The following NME7 variants were observed in gnomAD, a reference collection of about 807,000 sequenced individuals.
NME7 encodes nucleoside diphosphate kinase 7.
Under a neutral mutation model 49.1 loss-of-function variants are expected in NME7, and 41 were observed. The observed-to-expected ratio is 0.83, with a 90% CI of 0.65 to 1.08. NME7 has a LOEUF of 1.08. Among genes scored for constraint, NME7 ranks in the 50% least tolerant of loss-of-function variants. The pLI is 0.00. For synonymous variants in NME7, 139 were observed against 150.6 expected (o/e 0.92, Z 0.56); for missense variants, 423 against 463.4 (o/e 0.91, Z 0.80).
At chr1:169,173,921 G>A (rs911271483) in intron 10 of NME7, among the ~76,000 whole-genome samples, 3 of 152,216 alleles carry the variant, frequency 2.0e-5, no homozygotes, top group African/African-American at 7.2e-5. Flanking sequence ...TAAATAACAG[G>A]TTATGCTGAG....
intron 3 of NME7, among the ~76,000 whole-genome samples, chr1:169,312,266 C>T (rs1469075885): frequency 6.6e-6 from 1 of 152,178 alleles, no homozygotes; most frequent in East Asian, 1.9e-4. Flanking sequence ...TCTTCAAATA[C>T]CACCACACAT....
rs148475671 is a variant in NME7 at position 169,182,384 on chromosome 1, T to C, written c.991-12830A>G. 3.0e-3 allele frequency among the ~76,000 whole-genome samples: 462 copies of C among 152,194 alleles called. 1 individual carries two copies. Among genetic ancestry groups the C allele is most frequent in the Non-Finnish European group, 4.8e-3 (325 of 67,988 alleles). ...TGTCTTCCTCCCAAAACTCCCCCTC[T>C]TCCTAAATTCCCTCTCGTCATAAAT... On this transcript the variant is annotated intron_variant, in intron 10 of 11. Transcript: ENST00000367811.
chr1:169,312,543 G>T (rs958086441), intron 3 of NME7, among the ~76,000 whole-genome samples: 2 of 152,190 alleles, frequency 1.3e-5, no homozygotes, highest in African/African-American at 4.8e-5. Flanking sequence ...AAACTTCTTA[G>T]CAATACACGG....
intron 1 of NME7, among the ~76,000 whole-genome samples, chr1:169,364,066 G>T (rs1191981670): frequency 1.3e-5 from 2 of 152,120 alleles, no homozygotes; most frequent in African/African-American, 2.4e-5. Flanking sequence ...TGAGAAGCAG[G>T]GACTCAATTG....
intron 6 of NME7, among the ~76,000 whole-genome samples, chr1:169,295,249 C>T (rs12745978): frequency 0.24 from 37,245 of 152,064 alleles, 5,532 homozygotes; most frequent in Non-Finnish European, 0.34. Flanking sequence ...TGGACTGAGA[C>T]AGTAGCTAAC....
At chr1:169,155,917 C>T (rs1394926674) in intron 11 of NME7, among the ~76,000 whole-genome samples, 1 of 151,880 alleles carries the variant, frequency 6.6e-6, no homozygotes, top group Non-Finnish European at 1.5e-5. Flanking sequence ...TACTCTAAAC[C>T]AATAGCATCA....
intron 7 of NME7, among the ~76,000 whole-genome samples, chr1:169,245,830 A>T (rs3766082): frequency 0.048 from 7,251 of 152,306 alleles, 226 homozygotes; most frequent in East Asian, 0.12. Flanking sequence ...CACAAGTGTT[A>T]CTAAAGTCAA....
intron 11 of NME7, among the ~76,000 whole-genome samples, chr1:169,166,115 T>C (rs1028849716): frequency 1.3e-5 from 2 of 152,202 alleles, no homozygotes; most frequent in Non-Finnish European, 2.9e-5. Flanking sequence ...TTTTCCTTTT[T>C]TTCCCCTCAG....
chr1:169,305,577 G>A (rs12063495), intron 4 of NME7, among the ~76,000 whole-genome samples: 20 of 152,270 alleles, frequency 1.3e-4, no homozygotes, highest in African/African-American at 4.3e-4. Context: ...CATCGGTGTC[G>A]TTTCTCAGGA....
intron 5 of NME7, among the ~76,000 whole-genome samples, chr1:169,299,118 C>T (rs1365469335): frequency 6.6e-6 from 1 of 152,138 alleles, no homozygotes; most frequent in African/African-American, 2.4e-5. Context: ...CATGTGTTTA[C>T]CACTGCAGTC....
rs868789665 is a variant in NME7, at chr1:169,324,619, T to C, written c.4-119A>G. 11 of 622,058 alleles carry C rather than the reference T, an allele frequency of 1.8e-5. 1 individual carries two copies. The highest frequency in any genetic ancestry group is 2.3e-5 in the Non-Finnish European group (8 of 355,066). 38.5% of individuals were successfully genotyped at this position (622,058 alleles called of 1,614,324 possible). ...AACAAAATTACTTCTACCTATTATA[T>C]TGAATGTTTCTGCTTTTCAACAAAG... On this transcript the variant is annotated intron_variant, in intron 1 of 11. Coordinates refer to ENST00000367811, the MANE Select transcript of NME7 (RefSeq NM_013330.5).
chr1:169,295,618 T>C (rs911117498), intron 6 of NME7, among the ~76,000 whole-genome samples: 4 of 152,160 alleles, frequency 2.6e-5, no homozygotes, highest in Non-Finnish European at 4.4e-5. Flanking sequence ...TCACATTTGT[T>C]TCACAAAACC....
At chr1:169,281,242 A>G (rs1006867900) in intron 7 of NME7, among the ~76,000 whole-genome samples, 5 of 152,146 alleles carry the variant, frequency 3.3e-5, no homozygotes, top group African/African-American at 1.2e-4. Context: ...TTGATGCACA[A>G]TTTGGCTCTC....
At chr1:169,239,901 G>A (rs1648008588) in intron 7 of NME7, among the ~76,000 whole-genome samples, 1 of 152,002 alleles carries the variant, frequency 6.6e-6, no homozygotes, top group Admixed American at 6.6e-5. Flanking sequence ...GAGCAGAGGT[G>A]GCAGAAGCCA....
chr1:169,298,526 G>A, intron 6 of NME7, 30 bp downstream of exon 6: 2 of 1,597,228 alleles, frequency 1.3e-6, no homozygotes, highest in South Asian at 1.1e-5. Flanking sequence ...AGAACTAGAA[G>A]AGCATTAAAA....
intron 1 of NME7, among the ~76,000 whole-genome samples, chr1:169,361,622 A>C (rs1235796313): frequency 6.6e-6 from 1 of 152,158 alleles, no homozygotes; most frequent in Non-Finnish European, 1.5e-5. Flanking sequence ...TCTACTAAAA[A>C]TACAAAAGTT....
intron 4 of NME7, among the ~76,000 whole-genome samples, chr1:169,304,035 T>C: frequency 6.6e-6 from 1 of 152,308 alleles, no homozygotes; most frequent in East Asian, 1.9e-4. Context: ...TATCTTAATA[T>C]GTTTTTATTT....
At chr1:169,252,923 C>A (rs1187928268) in intron 7 of NME7, among the ~76,000 whole-genome samples, 2 of 149,076 alleles carry the variant, frequency 1.3e-5, no homozygotes. Flanking sequence ...TGATCTATAT[C>A]TCTGTTTTGG....
At chr1:169,191,555 G>T (rs1660231309) in intron 10 of NME7, among the ~76,000 whole-genome samples, 1 of 152,198 alleles carries the variant, frequency 6.6e-6, no homozygotes, top group African/African-American at 2.4e-5. Context: ...GACTAGAAAT[G>T]TGTTATAAAG....
Sources: allele counts gnomAD v4.1 joint callset (sites outside exome capture counted in the v4.1 genomes callset), GRCh38; gene constraint gnomAD v4.1.1; transcripts MANE v1.5; gene names NCBI Gene and HGNC (gene_info 2026-07-23, HGNC 2026-07-21).